Variants in LAMC1 observed in about 807,000 individuals in gnomAD.
LAMC1 encodes the protein laminin subunit gamma 1, also known as laminin subunit gamma-1.
In LAMC1, 38 loss-of-function variants were observed where a neutral mutation model predicts 173.6. The ratio of observed to expected loss-of-function variants is 0.22; its 90% CI spans 0.17 to 0.29. The LOEUF is 0.29. LAMC1 is among the 10% of genes least tolerant of loss of function. LAMC1 has a pLI of 1.00. For synonymous variants in LAMC1, 746 were observed against 749.1 expected (o/e 1.00, Z 0.07); for missense variants, 1,824 against 2,051.8 (o/e 0.89, Z 2.14).
chr1:183,131,011 C>T (rs547881810), intron 19 of LAMC1, among the ~76,000 whole-genome samples: 2 of 152,114 alleles, frequency 1.3e-5, no homozygotes, highest in South Asian at 4.1e-4. Context: ...CCCGTCTCTA[C>T]TAAAAATACA....
At chr1:183,079,154 G>C (rs1444361134) in intron 1 of LAMC1, among the ~76,000 whole-genome samples, 1 of 145,696 alleles carries the variant, frequency 6.9e-6, no homozygotes, top group Non-Finnish European at 1.5e-5. Flanking sequence ...TAATTTGATA[G>C]AACTGTTGCC....
chr1:183,047,874 GT>G (rs1654306046), intron 1 of LAMC1, among the ~76,000 whole-genome samples: 1 of 152,092 alleles, frequency 6.6e-6, no homozygotes, highest in African/African-American at 2.4e-5. Flanking sequence ...CACATAAACA[GT>G]TTTTTTCATA....
At chr1:183,080,662 A>T (rs1335607515) in intron 1 of LAMC1, among the ~76,000 whole-genome samples, 1 of 151,162 alleles carries the variant, frequency 6.6e-6, no homozygotes, top group Non-Finnish European at 1.5e-5. Flanking sequence ...TTTTTTCCAT[A>T]CTCAGTAGCT....
At chr1:183,082,046 CTG>C (rs761609666) in intron 1 of LAMC1, among the ~76,000 whole-genome samples, 4 of 152,270 alleles carry the variant, frequency 2.6e-5, no homozygotes, top group Admixed American at 6.5e-5. Flanking sequence ...TAAGTTTCCT[CTG>C]TATCTTTTTG....
intron 1 of LAMC1, among the ~76,000 whole-genome samples, chr1:183,083,918 G>A (rs916810176): frequency 1.3e-5 from 2 of 152,102 alleles, no homozygotes; most frequent in African/African-American, 4.8e-5. Context: ...GCGTAAGATT[G>A]CTGTCACTGG....
chr1:183,065,505 A>G (rs531403652), intron 1 of LAMC1, among the ~76,000 whole-genome samples: 6 of 152,304 alleles, frequency 3.9e-5, no homozygotes, highest in African/African-American at 1.2e-4. Flanking sequence ...ATTAAGGCCT[A>G]TGACACATTG....
intron 2 of LAMC1, among the ~76,000 whole-genome samples, chr1:183,106,189 C>T (rs927293132): frequency 4.6e-5 from 7 of 151,806 alleles, no homozygotes; most frequent in Admixed American, 1.3e-4. Context: ...TTAAAGATGC[C>T]CATTAGGAAA....
At chr1:183,141,768 AGT>A (rs1657120158) in intron 27 of LAMC1, among the ~76,000 whole-genome samples, 1 of 152,248 alleles carries the variant, frequency 6.6e-6, no homozygotes, top group South Asian at 2.1e-4. Flanking sequence ...TTTTAACATT[AGT>A]CTGACTTGGG....
chr1:183,106,974 T>C (rs1655992902), intron 2 of LAMC1, among the ~76,000 whole-genome samples: 1 of 152,154 alleles, frequency 6.6e-6, no homozygotes, highest in African/African-American at 2.4e-5. Context: ...GCACTGGTTG[T>C]GGGCCCTAGC....
Position 183,084,165 on chromosome 1 carries a change from C to T in LAMC1, c.419-19163C>T, listed in dbSNP as rs145209813. ...GTCAGGAGATCGAGACCAAGTGAAA[C>T]CCTGTCTCTAGTAAAAAATACAAAA... On this transcript the variant is annotated intron_variant, in intron 1 of 27. Coordinates refer to ENST00000258341, the MANE Select transcript of LAMC1 (RefSeq NM_002293.4). Among the ~76,000 whole-genome samples, 812 of 152,176 alleles carry T rather than the reference C, an allele frequency of 5.3e-3. 4 individuals carry two copies. The highest frequency in any genetic ancestry group is 0.018 in the African/African-American group (761 of 41,526).
In LAMC1 at chr1:183,143,568, CTT is replaced by C. The variant is rs879833063; in HGVS notation, c.*781_*782del. The C allele has an allele frequency of 1.3e-5, 2 of 152,516 alleles. No individual in the cohort carries two copies. Among genetic ancestry groups the C allele is most frequent in the African/African-American group, 2.4e-5 (1 of 41,434 alleles). 9.4% of individuals were successfully genotyped at this position (152,516 alleles called of 1,614,324 possible). ...CACTCACCAATAGACCAAAAGACAT[CTT>C]TTGATATTCTTATAAATGGAACTTA... On this transcript the variant is annotated 3_prime_UTR_variant, in exon 28 of 28. Transcript: ENST00000258341.
rs759964801 is a variant in LAMC1, at chr1:183,115,544, G to A, written c.1235G>A (p.Ser412Asn). 6.8e-6 allele frequency: 11 copies of A among 1,613,920 alleles called. No individual in the cohort carries two copies. Among genetic ancestry groups the A allele is most frequent in the Admixed American group, 1.7e-5 (1 of 60,014 alleles). ...GGCTCTCTAAGCACACAGTGTGATA[G>A]TTACGGCAGATGCAGCTGTAAGCCA... ...PVGSLSTQCD[S>N]YGRCSCKPGV... is the part of the protein sequence containing the mutation. Residue 412 changes from serine (S) to asparagine (N), a missense_variant, in exon 6 of 28, where the codon AGT (serine) becomes AAT (asparagine). Coordinates refer to ENST00000258341, the MANE Select transcript of LAMC1 (RefSeq NM_002293.4).
Position 183,138,276 on chromosome 1 carries a change from T to TA in LAMC1, c.4473+450dup, listed in dbSNP as rs1657004192. The TA allele has an allele frequency of 4.1e-6, 3 of 740,284 alleles. No individual in the cohort carries two copies. In the South Asian group the frequency reaches 1.8e-4, roughly 45 times the overall value. The allele number at this position is 740,284 out of a possible 1,614,324, so 45.9% of individuals were successfully genotyped here. On this transcript the variant is annotated intron_variant, in intron 26 of 27. Transcript: ENST00000258341. ...CCACCCCACCAAAACATATGAAACT[T>TA]ACATCTAGTTTAATTTTTCACGTTT...
chr1:183,057,534 G>T (rs1326865353), intron 1 of LAMC1, among the ~76,000 whole-genome samples: 1 of 152,226 alleles, frequency 6.6e-6, no homozygotes, highest in Non-Finnish European at 1.5e-5. Context: ...CCCGAGGTGG[G>T]TGGATTACCT....
intron 1 of LAMC1, among the ~76,000 whole-genome samples, chr1:183,038,361 C>T (rs1157885886): frequency 6.6e-6 from 1 of 152,162 alleles, no homozygotes; most frequent in African/African-American, 2.4e-5. Flanking sequence ...GCTCAGTTTC[C>T]TTTCTTACAG....
intron 1 of LAMC1, among the ~76,000 whole-genome samples, chr1:183,046,583 A>T (rs1654273000): frequency 6.6e-6 from 1 of 151,714 alleles, no homozygotes; most frequent in Admixed American, 6.6e-5. Context: ...TGCTATTATA[A>T]TTTTTTCTGA....
intron 1 of LAMC1, among the ~76,000 whole-genome samples, chr1:183,079,193 A>G (rs777959065): frequency 1.7e-4 from 23 of 132,612 alleles, no homozygotes; most frequent in Admixed American, 6.9e-4. Flanking sequence ...ATTTGTTCCA[A>G]TTCTCTGCTT....
chr1:183,056,791 CAAACACCACAAT>C (rs1220373105), intron 1 of LAMC1, among the ~76,000 whole-genome samples: 1 of 152,134 alleles, frequency 6.6e-6, no homozygotes, highest in African/African-American at 2.4e-5. Flanking sequence ...TGTAAAACAA[CAAACACCACAAT>C]AAACACCAAA....
At chr1:183,140,555 C>T in intron 27 of LAMC1, 52 bp downstream of exon 27, 2 of 1,204,538 alleles carry the variant, frequency 1.7e-6, no homozygotes, top group Non-Finnish European at 2.4e-6. Flanking sequence ...TTGTACTGTT[C>T]TTAGGATCTG....
Sources: allele counts gnomAD v4.1 joint callset (sites outside exome capture counted in the v4.1 genomes callset), GRCh38; gene constraint gnomAD v4.1.1; transcripts MANE v1.5; gene names NCBI Gene and HGNC (gene_info 2026-07-23, HGNC 2026-07-21).